SDK1: variants seen among roughly 807,000 people sequenced by gnomAD.
The protein encoded by SDK1 is sidekick cell adhesion molecule 1, also known as protein sidekick-1.
A neutral mutation model predicts 245.5 loss-of-function variants in SDK1; 157 were observed. That is an observed-to-expected ratio of 0.64 (90% CI 0.56 to 0.73). The LOEUF (loss-of-function observed/expected upper bound fraction) is 0.73. Ranked by LOEUF, SDK1 falls within the 30% of genes least tolerant of loss-of-function variation. SDK1 has a pLI of 0.00. For synonymous variants in SDK1, 1,647 were observed against 1,278.5 expected, an observed-to-expected ratio of 1.29 and a Z score of -6.15; for missense variants, 3,583 against 3,002.3, an observed-to-expected ratio of 1.19 and a Z score of -4.52.
At chr7:3,789,873 A>T (rs1436149187) in intron 4 of SDK1, among the ~76,000 whole-genome samples, 1 of 142,204 alleles carries the variant, frequency 7.0e-6, no homozygotes, top group Non-Finnish European at 1.5e-5. Context: ...AGATCAGTTT[A>T]CCCGCGCACC....
intron 22 of SDK1, among the ~76,000 whole-genome samples, chr7:4,084,881 G>A (rs1337675764): frequency 2.0e-5 from 3 of 152,010 alleles, no homozygotes; most frequent in African/African-American, 7.3e-5. Context: ...TCCTGCCTCA[G>A]CCTCCTGAGT....
intron 14 of SDK1, among the ~76,000 whole-genome samples, chr7:4,002,558 G>A (rs1391912504): frequency 6.6e-6 from 1 of 152,090 alleles, no homozygotes; most frequent in East Asian, 1.9e-4. Context: ...ACTGCAGTAT[G>A]GACCTATGCC....
At chr7:3,456,742 TC>T (rs1030584913) in intron 1 of SDK1, among the ~76,000 whole-genome samples, 2 of 152,184 alleles carry the variant, frequency 1.3e-5, no homozygotes, top group African/African-American at 4.8e-5. Context: ...AAGTTGTGAT[TC>T]CCCTAGGTTT....
At chr7:3,936,075 T>C (rs956022904) in intron 5 of SDK1, among the ~76,000 whole-genome samples, 3 of 152,198 alleles carry the variant, frequency 2.0e-5, no homozygotes, top group Non-Finnish European at 4.4e-5. Flanking sequence ...GGAAGGACAT[T>C]CTGACACATG....
At chr7:4,213,765 A>T (rs191293553) in intron 38 of SDK1, among the ~76,000 whole-genome samples, 1 of 151,858 alleles carries the variant, frequency 6.6e-6, no homozygotes, top group African/African-American at 2.4e-5. Context: ...CAGACACAAG[A>T]CCCTGCACAT....
intron 4 of SDK1, among the ~76,000 whole-genome samples, chr7:3,683,100 G>A (rs1324056799): frequency 1.3e-5 from 2 of 152,110 alleles, no homozygotes; most frequent in East Asian, 3.8e-4. Context: ...ACCGAGCAAG[G>A]CATTTACGCT....
intron 40 of SDK1, among the ~76,000 whole-genome samples, chr7:4,228,072 T>C (rs1414329829): frequency 6.6e-6 from 1 of 152,264 alleles, no homozygotes; most frequent in African/African-American, 2.4e-5. Flanking sequence ...GCATAGTTCA[T>C]ATTCTTTAAA....
chr7:3,368,039 G>A (rs1357469398), intron 1 of SDK1, among the ~76,000 whole-genome samples: 2 of 152,136 alleles, frequency 1.3e-5, no homozygotes, highest in African/African-American at 2.4e-5. Context: ...ATCTCTTATT[G>A]CAGAAGTTAT....
At chr7:3,341,431 C>T (rs1296666807) in intron 1 of SDK1, among the ~76,000 whole-genome samples, 2 of 152,156 alleles carry the variant, frequency 1.3e-5, no homozygotes, top group African/African-American at 4.8e-5. Context: ...TCTTTCCTCT[C>T]AGGTTGGGAA....
chr7:4,044,972 TC>T (rs1363448568), intron 17 of SDK1, among the ~76,000 whole-genome samples: 1 of 152,186 alleles, frequency 6.6e-6, no homozygotes, highest in African/African-American at 2.4e-5. Context: ...TGCTGTTTTT[TC>T]TTCTTATATC....
intron 2 of SDK1, among the ~76,000 whole-genome samples, chr7:3,631,810 C>T (rs982085047): frequency 6.6e-6 from 1 of 152,156 alleles, no homozygotes; most frequent in Non-Finnish European, 1.5e-5. Context: ...AAGACCTTGC[C>T]AGAATTGACC....
At chr7:3,450,374 G>A (rs2128591389) in intron 1 of SDK1, among the ~76,000 whole-genome samples, 1 of 152,286 alleles carries the variant, frequency 6.6e-6, no homozygotes, top group South Asian at 2.1e-4. Context: ...ATTAAGCCCA[G>A]GATCTTGAAG....
At chr7:3,501,349 C>G (rs939188312) in intron 1 of SDK1, among the ~76,000 whole-genome samples, 4 of 150,230 alleles carry the variant, frequency 2.7e-5, no homozygotes, top group African/African-American at 9.9e-5. Flanking sequence ...CTCTTTCCAA[C>G]TTGCTATGGG....
At chr7:3,937,877 G>A (rs1297784924) in intron 5 of SDK1, among the ~76,000 whole-genome samples, 7 of 151,736 alleles carry the variant, frequency 4.6e-5, no homozygotes, top group South Asian at 2.1e-4. Flanking sequence ...TCACTCTGTC[G>A]CCCAGACTGG....
rs566024598 is a variant in SDK1 at position 4,235,208 on chromosome 7, AGGCTGGAGTGCAGT to A, written c.5992+1793_5992+1806del. Among the ~76,000 whole-genome samples the A allele has an allele frequency of 4.9e-3, 752 of 152,256 alleles. 16 individuals are homozygous for A. Among genetic ancestry groups the A allele is most frequent in the Non-Finnish European group, 7.3e-3 (497 of 68,008 alleles). ...GAGATGGAGTCTCACTCTGTTGCCC[AGGCTGGAGTGCAGT>A]GGCGTGATCTTAGCTCACTGCAACC... On this transcript the variant is annotated intron_variant, in intron 41 of 44. Coordinates refer to ENST00000404826, the MANE Select transcript of SDK1 (RefSeq NM_152744.4).
At chr7:3,865,015 C>T (rs1006785979) in intron 5 of SDK1, among the ~76,000 whole-genome samples, 3 of 152,192 alleles carry the variant, frequency 2.0e-5, no homozygotes, top group Non-Finnish European at 1.5e-5. Flanking sequence ...GAGCACATTT[C>T]CTATACGTTT....
intron 1 of SDK1, among the ~76,000 whole-genome samples, chr7:3,602,339 G>C (rs1341326453): frequency 6.6e-6 from 1 of 151,074 alleles, no homozygotes; most frequent in African/African-American, 2.4e-5. Flanking sequence ...TCCAGCACCT[G>C]TTGTTTCCTG....
intron 4 of SDK1, among the ~76,000 whole-genome samples, chr7:3,702,858 G>A (rs1784778824): frequency 6.6e-6 from 1 of 152,148 alleles, no homozygotes; most frequent in Non-Finnish European, 1.5e-5. Flanking sequence ...AAGACATTCA[G>A]TGGAAATGCA....
intron 4 of SDK1, among the ~76,000 whole-genome samples, chr7:3,779,108 T>C (rs1780649516): frequency 6.6e-6 from 1 of 152,166 alleles, no homozygotes; most frequent in Non-Finnish European, 1.5e-5. Context: ...TTCTGCGGAG[T>C]TTCTTTTCTG....
Sources: allele counts gnomAD v4.1 joint callset (sites outside exome capture counted in the v4.1 genomes callset), GRCh38; gene constraint gnomAD v4.1.1; transcripts MANE v1.5; gene names NCBI Gene and HGNC (gene_info 2026-07-23, HGNC 2026-07-21).